GLYR1: variants seen among roughly 807,000 people sequenced by gnomAD.
GLYR1 encodes glyoxylate reductase 1 homolog, also known as cytokine-like nuclear factor N-PAC.
Under a neutral mutation model 72.7 loss-of-function variants are expected in GLYR1, and 21 were observed. The ratio of observed to expected loss-of-function variants is 0.29; its 90% CI spans 0.20 to 0.42. The LOEUF is 0.42. Ranked by LOEUF, GLYR1 falls within the 10% of genes least tolerant of loss-of-function variation. The probability of loss-of-function intolerance (pLI) is 1.00; values close to 1 mark genes in which losing one functional copy is unlikely to be tolerated. For synonymous variants in GLYR1, 392 were observed against 270.2 expected (o/e 1.45, Z -4.42); for missense variants, 594 against 712.1 (o/e 0.83, Z 1.89).
chr16:4,838,524 A>T (rs567327703), intron 3 of GLYR1, among the ~76,000 whole-genome samples: 2 of 152,006 alleles, frequency 1.3e-5, no homozygotes, highest in Non-Finnish European at 2.9e-5. Context: ...GTGGCTTCTA[A>T]GCACCTGTAA....
chr16:4,846,356 C>G, intron 1 of GLYR1, 146 bp from the exon 2 acceptor site: 1 of 852,818 alleles, frequency 1.2e-6, no homozygotes, highest in Non-Finnish European at 2.0e-6. Flanking sequence ...GCCCAACACC[C>G]TCAGAAGTAA....
intron 13 of GLYR1, 34 bp from the exon 14 acceptor site, chr16:4,811,836 A>G: frequency 6.3e-7 from 1 of 1,591,454 alleles, no homozygotes. Flanking sequence ...TCACAGCCCA[A>G]GAATGCCACA....
rs2082888539 is a variant in GLYR1, at chr16:4,805,000, A to G, written c.*236T>C. On this transcript the variant is annotated 3_prime_UTR_variant, in exon 16 of 16. Transcript: ENST00000321919. ...ACACAGCCACCTCGTCCGGGGGGCC[A>G]GTGCCCAGCTCAAGAGCTTTCCCAC... The G allele has an allele frequency of 8.9e-6, 5 of 562,426 alleles. No homozygotes were observed. Among genetic ancestry groups the G allele is most frequent in the East Asian group, 2.9e-5 (1 of 34,648 alleles). The allele number at this position is 562,426 out of a possible 1,614,324, so 34.8% of individuals were successfully genotyped here.
intron 4 of GLYR1, 168 bp from the exon 5 acceptor site, chr16:4,832,389 A>G (rs941786585): frequency 5.1e-6 from 4 of 777,220 alleles, no homozygotes; most frequent in Non-Finnish European, 8.0e-6. Flanking sequence ...AGCAGATTTA[A>G]AAAATATATA....
intron 3 of GLYR1, among the ~76,000 whole-genome samples, chr16:4,841,390 G>A (rs1398848018): frequency 2.0e-5 from 3 of 148,122 alleles, no homozygotes; most frequent in Non-Finnish European, 4.4e-5. Context: ...GGAGGCCGAG[G>A]TGGGAGGATC....
intron 10 of GLYR1, among the ~76,000 whole-genome samples, chr16:4,816,719 C>T (rs190991773): frequency 4.4e-4 from 67 of 152,188 alleles, no homozygotes; most frequent in African/African-American, 1.3e-3. Flanking sequence ...GGCACAGTGG[C>T]TCACACCCGT....
rs1311916166 is a variant in GLYR1, at chr16:4,822,948, G to T, written c.625-17C>A. On this transcript the variant is annotated splice_polypyrimidine_tract_variant and intron_variant, in intron 6 of 15. Coordinates refer to ENST00000321919, the MANE Select transcript of GLYR1 (RefSeq NM_032569.4). ...TTTAACAGGCTGAAACCAGAAAACA[G>T]TGAAATAAAACCAGTTATCTGCCAC... is the stretch of plus-strand genomic sequence containing the variant. 2 of 1,612,698 alleles carry T rather than the reference G, an allele frequency of 1.2e-6. No homozygotes were observed. The highest frequency in any genetic ancestry group is 1.7e-5 in the Admixed American group (1 of 59,996).
chr16:4,847,103 C>T (rs557805827), intron 1 of GLYR1, 125 bp downstream of exon 1: 6 of 927,534 alleles, frequency 6.5e-6, no homozygotes, highest in East Asian at 5.5e-5. Flanking sequence ...GCGCCGGCAC[C>T]TTCTCTTCCC....
chr16:4,821,632 A>C (rs1429479326), intron 7 of GLYR1, 35 bp from the exon 8 acceptor site: 2 of 1,596,956 alleles, frequency 1.3e-6, no homozygotes, highest in Non-Finnish European at 1.7e-6. Flanking sequence ...TACTTGTGCT[A>C]CTGCAGGCTT....
chr16:4,815,806 CAG>C (rs1397275148), intron 10 of GLYR1, among the ~76,000 whole-genome samples: 19 of 151,332 alleles, frequency 1.3e-4, no homozygotes, highest in Admixed American at 1.1e-3. Context: ...TTTTTTGAGA[CAG>C]AGTCTCGCTG....
chr16:4,821,654 A>G lies in GLYR1; in HGVS notation c.682-57T>C, dbSNP rs1057208070. 8.6e-6 allele frequency: 13 copies of G among 1,508,490 alleles called. 1 individual carries two copies. Among genetic ancestry groups the G allele is most frequent in the African/African-American group, 1.4e-5 (1 of 72,706 alleles). The allele number at this position is 1,508,490 out of a possible 1,614,324, so 93.4% of individuals were successfully genotyped here. A position where few individuals can be genotyped will look rare whatever the true frequency, so the allele number is the denominator to read the frequency against. ...GCTACTGCAGGCTTAACCAGTCTTC[A>G]TAATAATCCCCTCAAAGGTTAGACC... On this transcript the variant is annotated intron_variant, in intron 7 of 15. Coordinates refer to ENST00000321919, the MANE Select transcript of GLYR1 (RefSeq NM_032569.4).
chr16:4,831,086 A>C (rs1283329311), intron 5 of GLYR1, among the ~76,000 whole-genome samples: 5 of 152,198 alleles, frequency 3.3e-5, no homozygotes, highest in African/African-American at 1.2e-4. Context: ...TCTACTTTTA[A>C]GAAAGTGATG....
At chr16:4,809,349 C>A (rs1199393201) in intron 15 of GLYR1, among the ~76,000 whole-genome samples, 2 of 151,516 alleles carry the variant, frequency 1.3e-5, no homozygotes, top group Admixed American at 6.6e-5. Flanking sequence ...GCCACCATGC[C>A]CAGCTAATTT....
At chr16:4,816,149 T>G (rs1162619196) in intron 10 of GLYR1, among the ~76,000 whole-genome samples, 1 of 152,144 alleles carries the variant, frequency 6.6e-6, no homozygotes, top group Non-Finnish European at 1.5e-5. Context: ...CATTTTTTTG[T>G]CCTTTTTCTT....
chr16:4,823,729 C>G, intron 6 of GLYR1, 92 bp downstream of exon 6: 2 of 986,436 alleles, frequency 2.0e-6, no homozygotes, highest in Non-Finnish European at 3.1e-6. Context: ...AAGCCTCACA[C>G]ACAAGAAAGG....
chr16:4,822,697 C>T (rs1393070221), intron 7 of GLYR1, among the ~76,000 whole-genome samples, 178 bp downstream of exon 7: 1 of 152,206 alleles, frequency 6.6e-6, no homozygotes, highest in East Asian at 1.9e-4. Context: ...CCTGGATTTA[C>T]TTTTAATCTT....
chr16:4,828,601 T>C (rs910233243), intron 5 of GLYR1, among the ~76,000 whole-genome samples: 1 of 152,032 alleles, frequency 6.6e-6, no homozygotes, highest in Non-Finnish European at 1.5e-5. Context: ...CCTGTAAGCC[T>C]GGGCAGTGGC....
chr16:4,826,747 A>G (rs1253371270), intron 5 of GLYR1, among the ~76,000 whole-genome samples: 1 of 152,090 alleles, frequency 6.6e-6, no homozygotes, highest in African/African-American at 2.4e-5. Context: ...GGAGCATCTC[A>G]CACAATAGGG....
rs1350250890 is a variant in GLYR1, at chr16:4,811,674, T to G, written c.1411A>C (p.Ile471Leu). Residue 471 changes from isoleucine (I) to leucine (L), a missense_variant, in exon 14 of 16, where the codon ATC becomes CTC. By Grantham distance (5) the Ile-to-Leu change is conservative. Transcript: ENST00000321919. Reference protein sequence around the residue: ...TGQSQQTLLDILNQGQLASIF... With the variant: ...TGQSQQTLLDLLNQGQLASIF... ...CTGGCCAACTGTCCCTGATTGAGGA[T>G]GTCCAAGAGTGTCTGCTGGGACTGG... 1 of 1,614,098 alleles carries G rather than the reference T, an allele frequency of 6.2e-7. No individual in the cohort carries two copies. The highest frequency in any genetic ancestry group is 8.5e-7 in the Non-Finnish European group (1 of 1,180,050).
Sources: gnomAD v4.1 joint callset for allele counts (sites outside exome capture counted in the v4.1 genomes callset) on GRCh38, gnomAD v4.1.1 for gene constraint, MANE v1.5 for transcripts, NCBI Gene and HGNC (gene_info 2026-07-23, HGNC 2026-07-21) for gene names.